The following PMPCB variants were observed in gnomAD, a reference collection of about 807,000 sequenced individuals.
The protein encoded by PMPCB is peptidase, mitochondrial processing subunit beta.
Under a neutral mutation model 61.5 loss-of-function variants are expected in PMPCB, and 46 were observed. The observed-to-expected ratio is 0.75, with a 90% confidence interval of 0.59 to 0.96. PMPCB has a LOEUF of 0.96. PMPCB is among the 40% of genes least tolerant of loss of function. PMPCB has a pLI of 0.00. For synonymous variants in PMPCB, 191 were observed against 201.6 expected, an observed-to-expected ratio of 0.95 and a Z score of 0.44; for missense variants, 590 against 602.4, an observed-to-expected ratio of 0.98 and a Z score of 0.22.
Position 103,313,030 on chromosome 7 carries a change from G to A in PMPCB, c.*759G>A. 1 of 1,613,844 alleles carries A rather than the reference G, an allele frequency of 6.2e-7. No homozygotes were observed. The highest frequency in any genetic ancestry group is 1.1e-5 in the South Asian group (1 of 91,064). ...TCCCATCTTTCAGGTGTATTTACTG[G>A]GTATGTTTTCAAAGCTTGTTCCAAA... On this transcript the variant is annotated 3_prime_UTR_variant, in exon 13 of 13. Transcript: ENST00000249269.
downstream of PMPCB, among the ~76,000 whole-genome samples, chr7:103,331,572 T>C (rs77200491): frequency 0.028 from 4,237 of 152,266 alleles, 215 homozygotes; most frequent in African/African-American, 0.096. Context: ...CGAGATCAAC[T>C]TTTTAAGCTC....
At chr7:103,319,560 G>C (rs1312214125), downstream of PMPCB, 1 of 1,563,916 alleles carries the variant, frequency 6.4e-7, no homozygotes, top group South Asian at 1.1e-5. Context: ...ACAGGTCAAA[G>C]CAGAATTAAA....
intron 12 of PMPCB, chr7:103,322,465 G>GATT: frequency 7.2e-7 from 1 of 1,392,406 alleles, no homozygotes; most frequent in African/African-American, 1.5e-5. Flanking sequence ...GAAGATTAAA[G>GATT]ATTTCATAAA....
At chr7:103,327,318 A>C in intron 12 of PMPCB, 1 of 1,268,062 alleles carries the variant, frequency 7.9e-7, no homozygotes, top group Non-Finnish European at 1.0e-6. Context: ...CTCATCATTA[A>C]ATAGAACACT....
chr7:103,332,285 G>GT (rs1287860508), downstream of PMPCB, among the ~76,000 whole-genome samples: 4 of 152,162 alleles, frequency 2.6e-5, no homozygotes, highest in African/African-American at 9.7e-5. Flanking sequence ...GATTATAGGC[G>GT]TGAGCCACTG....
At chr7:103,322,935 T>C in intron 12 of PMPCB, 1 of 668,424 alleles carries the variant, frequency 1.5e-6, no homozygotes, top group Non-Finnish European at 2.3e-6. Context: ...AAACAATGAT[T>C]TTTTTTTTTT....
At chr7:103,322,816 A>G (rs768146057) in intron 12 of PMPCB, 1 of 1,562,086 alleles carries the variant, frequency 6.4e-7, no homozygotes, top group East Asian at 2.2e-5. Flanking sequence ...AAAATATTGG[A>G]AACAAACTAC....
At chr7:103,340,952 G>C in the PMPCB span, among the ~76,000 whole-genome samples, 1 of 152,138 alleles carries the variant, frequency 6.6e-6, no homozygotes, top group Non-Finnish European at 1.5e-5. Context: ...CCTCATCCCA[G>C]CATTGGTTAC....
intron 7 of PMPCB, 61 bp downstream of exon 7, chr7:103,307,769 TAAGTAAACA>T (rs2115683704): frequency 2.3e-6 from 2 of 887,760 alleles, no homozygotes; most frequent in East Asian, 4.9e-5. Flanking sequence ...TATTTACACA[TAAGTAAACA>T]AAATGTGCAT....
Position 103,297,455 on chromosome 7 carries a change from C to G in PMPCB, c.-5C>G. 6.5e-7 allele frequency: 1 copy of G among 1,544,812 alleles called. No individual in the cohort carries two copies. Among genetic ancestry groups the G allele is most frequent in the African/African-American group, 1.4e-5 (1 of 72,856 alleles). On this transcript the variant is annotated 5_prime_UTR_variant, in exon 1 of 13. Transcript: ENST00000249269. ...CCTTCATCCTCTACCTTCCTTCTAG[C>G]AGAAATGGCGGCTGCGGCGGCTCGA...
At position 103,311,793 on chromosome 7, in the gene PMPCB, C is replaced by T. The variant is rs754095600; in HGVS notation, c.1241-15C>T. On this transcript the variant is annotated splice_polypyrimidine_tract_variant and intron_variant, in intron 10 of 12. Coordinates refer to ENST00000249269, the MANE Select transcript of PMPCB (RefSeq NM_004279.3). ...TCTGTATTCCAATAGTTAATTTTTC[C>T]TTCTCTTTAAACAGGTTCAACTCCA... The T allele has an allele frequency of 7.3e-5, 118 of 1,607,438 alleles. No homozygotes were observed. The Admixed American group carries it at 8.4e-4, about 11-fold the overall frequency.
At chr7:103,339,592 C>G in the PMPCB span, among the ~76,000 whole-genome samples, 1 of 151,694 alleles carries the variant, frequency 6.6e-6, no homozygotes, top group South Asian at 2.1e-4. Flanking sequence ...TTTTAGTTTG[C>G]CAAATCCAAT....
At chr7:103,324,171 A>G (rs1818577352) in intron 12 of PMPCB, among the ~76,000 whole-genome samples, 1 of 152,214 alleles carries the variant, frequency 6.6e-6, no homozygotes, top group Non-Finnish European at 1.5e-5. Context: ...AGTTACAGAG[A>G]CAAATAGCAC....
chr7:103,308,595 G>T (rs145274476), intron 7 of PMPCB, among the ~76,000 whole-genome samples: 22 of 152,206 alleles, frequency 1.4e-4, no homozygotes, highest in African/African-American at 5.1e-4. Context: ...CTCCAGGCTG[G>T]GCGACAGAGT....
chr7:103,316,337 CATAA>C (rs1373210203), downstream of PMPCB: 34 of 316,104 alleles, frequency 1.1e-4, no homozygotes, highest in East Asian at 5.4e-5. Context: ...TACAAATCAA[CATAA>C]ATAAAACCAC....
chr7:103,335,303 C>T, the PMPCB span: 4 of 152,134 alleles, frequency 2.6e-5, no homozygotes, highest in African/African-American at 9.7e-5. Context: ...AGTAACTTTG[C>T]ATTTTAACTT....
chr7:103,318,738 A>C (rs759794848), downstream of PMPCB, among the ~76,000 whole-genome samples: 2 of 152,208 alleles, frequency 1.3e-5, no homozygotes, highest in Non-Finnish European at 2.9e-5. Context: ...CAGAACAAAG[A>C]TCTCTTTTGG....
chr7:103,306,527 C>T (rs1019790573), intron 6 of PMPCB, among the ~76,000 whole-genome samples: 26 of 152,086 alleles, frequency 1.7e-4, no homozygotes, highest in Non-Finnish European at 3.5e-4. Flanking sequence ...GGATTACAGG[C>T]ATTTGCCATC....
intron 7 of PMPCB, 73 bp from the exon 8 acceptor site, chr7:103,308,879 T>C: frequency 1.6e-6 from 2 of 1,278,810 alleles, no homozygotes; most frequent in Non-Finnish European, 2.1e-6. Flanking sequence ...GGACTGGTGA[T>C]TTTTTCCTTG....
Sources: allele counts gnomAD v4.1 joint callset (sites outside exome capture counted in the v4.1 genomes callset), GRCh38; gene constraint gnomAD v4.1.1; transcripts MANE v1.5; gene names NCBI Gene and HGNC (gene_info 2026-07-23, HGNC 2026-07-21).